PDE9A: variants seen among roughly 807,000 people sequenced by gnomAD.
The protein encoded by PDE9A is phosphodiesterase 9A.
PDE9A carries 60 observed loss-of-function variants against 87.4 expected under a neutral mutation model. That is an observed-to-expected ratio of 0.69 (90% CI 0.56 to 0.85). PDE9A has a LOEUF of 0.85. Among genes scored for constraint, PDE9A ranks in the 40% least tolerant of loss-of-function variants. The probability of loss-of-function intolerance (pLI) is 0.00; values close to 1 mark genes in which losing one functional copy is unlikely to be tolerated. For synonymous variants in PDE9A, 272 were observed against 279.4 expected (o/e 0.97, Z 0.27); for missense variants, 665 against 779.0 (o/e 0.85, Z 1.74).
Position 42,690,636 on chromosome 21 carries a change from C to T in PDE9A, c.218+2642C>T, listed in dbSNP as rs985660877. Among the ~76,000 whole-genome samples the T allele has an allele frequency of 2.0e-4, 30 of 152,132 alleles. 1 individual carries two copies. The highest frequency in any genetic ancestry group is 4.0e-4 in the Non-Finnish European group (27 of 67,958). On this transcript the variant is annotated intron_variant, in intron 3 of 19. Coordinates refer to ENST00000291539, the MANE Select transcript of PDE9A (RefSeq NM_002606.3). ...CGTCTCCTTTGTGCCTTCTTCCATT[C>T]CCTCTGCCACTGTTAGGTCCAGGCC...
rs536898090 is a variant in PDE9A, at chr21:42,738,188, C to A, written c.568+4762C>A. On this transcript the variant is annotated intron_variant, in intron 7 of 19. Coordinates refer to ENST00000291539, the MANE Select transcript of PDE9A (RefSeq NM_002606.3). ...GGCTTGGACCAAAACCTAAACACAG[C>A]GTGGGCCGTGGCAGGAGCTGACCGG... Among the ~76,000 whole-genome samples, 4 of 152,326 alleles carry A rather than the reference C, an allele frequency of 2.6e-5. No individual in the cohort carries two copies. The East Asian group carries it at 7.7e-4, about 29-fold the overall frequency.
chr21:42,748,493 A>G (rs1438382013), intron 8 of PDE9A, among the ~76,000 whole-genome samples: 2 of 152,232 alleles, frequency 1.3e-5, no homozygotes, highest in African/African-American at 4.8e-5. Context: ...CCGAGAAAAT[A>G]ACACCGAAGC....
At position 42,653,713 on chromosome 21, in the gene PDE9A, G is replaced by GGGGGGC; in HGVS notation, c.-102_-101insGGGGGC. ...TGTGGTTGGCTGAGCGCCGCGGGCCGCCCCCCGCCCGCCCCCTCCCCTGCT... is the reference window on the plus strand; with the variant it reads ...TGTGGTTGGCTGAGCGCCGCGGGCCGGGGGGCCCCCCCGCCCGCCCCCTCCCCTGCT... On this transcript the variant is annotated 5_prime_UTR_variant, in exon 1 of 20. Coordinates refer to ENST00000291539, the MANE Select transcript of PDE9A (RefSeq NM_002606.3). 3.4e-6 allele frequency: 1 copy of GGGGGGC among 292,976 alleles called. No homozygotes were observed. The highest frequency in any genetic ancestry group is 6.4e-6 in the Non-Finnish European group (1 of 157,278). The allele number at this position is 292,976 out of a possible 1,614,324, so 18.1% of individuals were successfully genotyped here.
intron 8 of PDE9A, among the ~76,000 whole-genome samples, chr21:42,750,633 T>C (rs1160790252): frequency 2.6e-5 from 4 of 151,918 alleles, no homozygotes; most frequent in Non-Finnish European, 1.5e-5. Flanking sequence ...TGGCGTGCAG[T>C]GGCACAATCT....
chr21:42,737,730 T>C (rs542181814), intron 7 of PDE9A, among the ~76,000 whole-genome samples: 2 of 152,234 alleles, frequency 1.3e-5, no homozygotes, highest in Non-Finnish European at 2.9e-5. Flanking sequence ...AGTGCTGAGA[T>C]TACAGGCGTG....
At position 42,696,847 on chromosome 21, in the gene PDE9A, A is replaced by G. The variant is rs189025231; in HGVS notation, c.219-2121A>G. Among the ~76,000 whole-genome samples the G allele has an allele frequency of 6.6e-6, 1 of 152,304 alleles. No individual in the cohort carries two copies. The highest frequency in any genetic ancestry group is 1.9e-4 in the East Asian group (1 of 5,164). On this transcript the variant is annotated intron_variant, in intron 3 of 19. Transcript: ENST00000291539. The surrounding 1 kb of genome is among the most constrained non-coding windows in gnomAD (Gnocchi z 5.1). ...CAGCTGAGCACAGGCATCAGGGGCT[A>G]GAGGGGCCCTAGTCCCGATGACGAC...
rs139070268 is a variant in PDE9A at position 42,689,092 on chromosome 21, G to A, written c.218+1098G>A. 4.1e-3 allele frequency among the ~76,000 whole-genome samples: 628 copies of A among 151,502 alleles called. 2 individuals carry two copies. Among genetic ancestry groups the A allele is most frequent in the African/African-American group, 0.014 (595 of 41,250 alleles). ...CCCCCTCAGCGAGGTCCTCGTGGGTGTGGCCAGCACCATCCCACTCAGCGA... is the reference window on the plus strand; with the variant it reads ...CCCCCTCAGCGAGGTCCTCGTGGGTATGGCCAGCACCATCCCACTCAGCGA... On this transcript the variant is annotated intron_variant, in intron 3 of 19. Transcript: ENST00000291539.
At chr21:42,768,338 C>A in intron 16 of PDE9A, 46 bp downstream of exon 16, 1 of 1,238,682 alleles carries the variant, frequency 8.1e-7, no homozygotes, top group Non-Finnish European at 1.2e-6. Flanking sequence ...CTCTTATTAG[C>A]CCCACTTAGT....
intron 3 of PDE9A, among the ~76,000 whole-genome samples, chr21:42,691,435 CCAT>C (rs2059830448): frequency 6.6e-6 from 1 of 151,662 alleles, no homozygotes; most frequent in Non-Finnish European, 1.5e-5. Context: ...GTCACCAGCC[CCAT>C]CATCGTCACC....
At chr21:42,713,226 C>T (rs2049508005) in intron 4 of PDE9A, among the ~76,000 whole-genome samples, 1 of 152,170 alleles carries the variant, frequency 6.6e-6, no homozygotes, top group Non-Finnish European at 1.5e-5. Flanking sequence ...CCTCCGCCTC[C>T]AGGCTTCAAG....
Position 42,762,158 on chromosome 21 carries a change from C to T in PDE9A, c.1161C>T (p.Ala387=). 6.2e-7 allele frequency: 1 copy of T among 1,614,116 alleles called. No homozygotes were observed. The highest frequency in any genetic ancestry group is 2.2e-5 in the East Asian group (1 of 44,874). ...DISPLENHHC[A]VAFQILAEPE... Reference sequence around the variant, plus strand: ...CACCGCTGGAGAACCACCACTGCGCCGTGGCCTTCCAGATCCTCGCCGAGC... The same window carrying T: ...CACCGCTGGAGAACCACCACTGCGCTGTGGCCTTCCAGATCCTCGCCGAGC... Residue 387 remains alanine, a synonymous_variant, in exon 14 of 20, where the codon GCC becomes GCT. Transcript: ENST00000291539.
At chr21:42,654,069 T>TGGGGGGG (rs1412177444) in intron 1 of PDE9A, among the ~76,000 whole-genome samples, 186 bp downstream of exon 1, 4 of 55,618 alleles carry the variant, frequency 7.2e-5, no homozygotes, top group Non-Finnish European at 1.6e-4. Flanking sequence ...CGACTCGCCC[T>TGGGGGGG]GGGGGGTGGG....
chr21:42,697,874 T>C (rs2060227883), intron 3 of PDE9A, among the ~76,000 whole-genome samples: 1 of 152,060 alleles, frequency 6.6e-6, no homozygotes, highest in South Asian at 2.1e-4. Context: ...TGCCTCAACA[T>C]TCAGACCCCA....
intron 4 of PDE9A, among the ~76,000 whole-genome samples, chr21:42,703,443 C>A (rs1469048927): frequency 6.6e-6 from 1 of 152,200 alleles, no homozygotes; most frequent in Non-Finnish European, 1.5e-5. Flanking sequence ...GCCATAAAGC[C>A]CTGGAGGCAG....
At chr21:42,763,566 TG>T (rs777563964) in intron 14 of PDE9A, among the ~76,000 whole-genome samples, 11 of 152,218 alleles carry the variant, frequency 7.2e-5, no homozygotes, top group Non-Finnish European at 1.5e-4. Context: ...ACTTTGATCT[TG>T]GTTCTGGCTT....
At position 42,688,368 on chromosome 21, in the gene PDE9A, C is replaced by T. The variant is rs565355596; in HGVS notation, c.218+374C>T. Among the ~76,000 whole-genome samples, 16 of 152,250 alleles carry T rather than the reference C, an allele frequency of 1.1e-4. No homozygotes were observed. The East Asian group carries it at 1.2e-3, about 11-fold the overall frequency. On this transcript the variant is annotated intron_variant, in intron 3 of 19. Transcript: ENST00000291539. The stretch of plus-strand genomic sequence containing the variant: ...CCCTACAGAGCCCCTGGGGACATTT[C>T]GTGTTTACCCACTTAGGGCCGGTCT...
chr21:42,742,117 C>T (rs1467872471), intron 7 of PDE9A, among the ~76,000 whole-genome samples: 1 of 152,112 alleles, frequency 6.6e-6, no homozygotes, highest in Non-Finnish European at 1.5e-5. Flanking sequence ...AACGCTCGCT[C>T]GGAGGCATAA....
intron 1 of PDE9A, among the ~76,000 whole-genome samples, chr21:42,683,377 A>G (rs2059271577): frequency 6.6e-6 from 1 of 152,218 alleles, no homozygotes; most frequent in Admixed American, 6.5e-5. Context: ...TCTGCATTGA[A>G]TCACGAGCTC....
At chr21:42,748,823 C>T (rs1465402279) in intron 8 of PDE9A, among the ~76,000 whole-genome samples, 1 of 152,224 alleles carries the variant, frequency 6.6e-6, no homozygotes, top group Non-Finnish European at 1.5e-5. Flanking sequence ...CAATCAAGCA[C>T]TCTTTTTAAA....
Sources: gnomAD v4.1 joint callset for allele counts (sites outside exome capture counted in the v4.1 genomes callset) on GRCh38, gnomAD v4.1.1 for gene constraint, Gnocchi (gnomAD v3.1) non-coding constraint, MANE v1.5 for transcripts, NCBI Gene and HGNC (gene_info 2026-07-23, HGNC 2026-07-21) for gene names.